TMEM98: variants seen among roughly 807,000 people sequenced by gnomAD.
TMEM98 encodes the protein transmembrane protein 98.
In TMEM98, 18 loss-of-function variants were observed where a neutral mutation model predicts 25.0. The observed-to-expected ratio is 0.72, with a 90% CI of 0.50 to 1.07. TMEM98 has a LOEUF of 1.07. Ranked by LOEUF, TMEM98 falls within the 50% of genes least tolerant of loss-of-function variation. The pLI is 0.00. For synonymous variants in TMEM98, 103 were observed against 112.4 expected, an observed-to-expected ratio of 0.92 and a Z score of 0.53; for missense variants, 241 against 289.0, an observed-to-expected ratio of 0.83 and a Z score of 1.20.
intron 6 of TMEM98, 35 bp downstream of exon 6, chr17:32,936,482 C>G: frequency 6.3e-7 from 1 of 1,581,776 alleles, no homozygotes; most frequent in Non-Finnish European, 8.7e-7. Flanking sequence ...CCCCACACTC[C>G]CTGAGGGAAG....
At position 32,934,487 on chromosome 17, in the gene TMEM98, G is replaced by T. The variant is rs557785922; in HGVS notation, c.297+163G>T. ...TGTGGTTTACTTCCCCCCCTGCCTG[G>T]ACTGGCTGTTCACAGAATCTCAAGG... On this transcript the variant is annotated intron_variant, in intron 5 of 7. Coordinates refer to ENST00000579849, the MANE Select transcript of TMEM98 (RefSeq NM_015544.3). 2.3e-4 allele frequency: 159 copies of T among 683,520 alleles called. 1 individual carries two copies. The highest frequency in any genetic ancestry group is 1.8e-3 in the Admixed American group (67 of 36,880). The allele number at this position is 683,520 out of a possible 1,614,324, so 42.3% of individuals were successfully genotyped here. A position where few individuals can be genotyped will look rare whatever the true frequency, so the allele number is the denominator to read the frequency against.
At chr17:32,937,715 T>C (rs2091504575) in intron 6 of TMEM98, among the ~76,000 whole-genome samples, 1 of 152,112 alleles carries the variant, frequency 6.6e-6, no homozygotes. Context: ...CTCAGCCCCC[T>C]GAGTAGCTGT....
chr17:32,933,767 G>A (rs2091481765), intron 4 of TMEM98, among the ~76,000 whole-genome samples: 1 of 152,208 alleles, frequency 6.6e-6, no homozygotes, highest in South Asian at 2.1e-4. Flanking sequence ...TGGGTCAGGT[G>A]CTGCAGATAT....
At chr17:32,928,410 C>CGCT (rs2091444409) in intron 1 of TMEM98, among the ~76,000 whole-genome samples, 173 bp downstream of exon 1, 1 of 147,654 alleles carries the variant, frequency 6.8e-6, no homozygotes. Context: ...CGCCCCGGAG[C>CGCT]GCTCCGGGGC....
At position 32,944,286 on chromosome 17, in the gene TMEM98, C is replaced by T. The variant is rs1180138136; in HGVS notation, c.*3293C>T. The T allele has an allele frequency of 6.6e-6, 1 of 152,288 alleles. No homozygotes were observed. Among genetic ancestry groups the T allele is most frequent in the Non-Finnish European group, 1.5e-5 (1 of 68,092 alleles). The allele number at this position is 152,288 out of a possible 1,614,324, so 9.4% of individuals were successfully genotyped here. A position where few individuals can be genotyped will look rare whatever the true frequency, so the allele number is the denominator to read the frequency against. On this transcript the variant is annotated 3_prime_UTR_variant, in exon 8 of 8. Coordinates refer to ENST00000579849, the MANE Select transcript of TMEM98 (RefSeq NM_015544.3). ...GAAGAATTTCTATCCTCCTCACCTC[C>T]TCCCTGTCTCCAATAAATGCATACC...
chr17:32,941,468 T>A lies in TMEM98; in HGVS notation c.*475T>A, dbSNP rs2091530899. On this transcript the variant is annotated 3_prime_UTR_variant, in exon 8 of 8. Coordinates refer to ENST00000579849, the MANE Select transcript of TMEM98 (RefSeq NM_015544.3). ...AAGACTTGTACTCTCTCACCTGGCC[T>A]GTTTCATTTATTTGTATTATCTGCC... 6.5e-6 allele frequency: 1 copy of A among 153,092 alleles called. No individual in the cohort carries two copies. Among genetic ancestry groups the A allele is most frequent in the Non-Finnish European group, 1.5e-5 (1 of 68,664 alleles). The allele number at this position is 153,092 out of a possible 1,614,324, so 9.5% of individuals were successfully genotyped here.
chr17:32,941,055 A>G lies in TMEM98; in HGVS notation c.*62A>G. Reference sequence around the variant, plus strand: ...CCGCCATCCCTGGATGGCTCAGCTTAGCCTTCTACTTTTTCCTATAGAGTT... The same window carrying G: ...CCGCCATCCCTGGATGGCTCAGCTTGGCCTTCTACTTTTTCCTATAGAGTT... On this transcript the variant is annotated 3_prime_UTR_variant, in exon 8 of 8. Coordinates refer to ENST00000579849, the MANE Select transcript of TMEM98 (RefSeq NM_015544.3). 7.1e-7 allele frequency: 1 copy of G among 1,408,408 alleles called. No homozygotes were observed. The highest frequency in any genetic ancestry group is 2.3e-5 in the Admixed American group (1 of 42,624). The allele number at this position is 1,408,408 out of a possible 1,614,324, so 87.2% of individuals were successfully genotyped here.
Position 32,938,525 on chromosome 17 carries a change from C to T in TMEM98, c.414-952C>T, listed in dbSNP as rs116079616. Among the ~76,000 whole-genome samples the T allele has an allele frequency of 2.8e-3, 423 of 152,234 alleles. 1 individual carries two copies. Among genetic ancestry groups the T allele is most frequent in the African/African-American group, 9.8e-3 (409 of 41,530 alleles). ...AGATTTGGAGCAAAACCTTGTGCCACGCAAATCAGAATGAATTGTAGTTCT... is the reference window on the plus strand; with the variant it reads ...AGATTTGGAGCAAAACCTTGTGCCATGCAAATCAGAATGAATTGTAGTTCT... On this transcript the variant is annotated intron_variant, in intron 6 of 7. Coordinates refer to ENST00000579849, the MANE Select transcript of TMEM98 (RefSeq NM_015544.3).
At chr17:32,937,046 A>T (rs1479005404) in intron 6 of TMEM98, among the ~76,000 whole-genome samples, 1 of 152,258 alleles carries the variant, frequency 6.6e-6, no homozygotes, top group East Asian at 1.9e-4. Flanking sequence ...TGGGCTTGAT[A>T]TCGTGAGGAA....
rs1415405500 is a variant in TMEM98, at chr17:32,931,364, C to G, written c.-93C>G. The G allele has an allele frequency of 1.2e-6, 1 of 863,596 alleles. No homozygotes were observed. The highest frequency in any genetic ancestry group is 1.7e-6 in the Non-Finnish European group (1 of 579,404). 53.5% of individuals were successfully genotyped at this position (863,596 alleles called of 1,614,324 possible). On this transcript the variant is annotated 5_prime_UTR_variant, in exon 2 of 8. Transcript: ENST00000579849. ...CTGCAGGTGTCGTGGAGGAACCTAG[C>G]ACCTGCCATCCTCTTCCCCAATTTG...
Position 32,931,387 on chromosome 17 carries a change from T to C in TMEM98, c.-70T>C. The C allele has an allele frequency of 8.6e-7, 1 of 1,162,808 alleles. No individual in the cohort carries two copies. The highest frequency in any genetic ancestry group is 2.7e-5 in the East Asian group (1 of 37,726). 72.0% of individuals were successfully genotyped at this position (1,162,808 alleles called of 1,614,324 possible). A position where few individuals can be genotyped will look rare whatever the true frequency, so the allele number is the denominator to read the frequency against. On this transcript the variant is annotated 5_prime_UTR_variant, in exon 2 of 8. Transcript: ENST00000579849. ...AGCACCTGCCATCCTCTTCCCCAAT[T>C]TGCCACTTCCAGCAGGTAAGACCCA... is the stretch of plus-strand genomic sequence containing the variant.
chr17:32,936,222 G>A (rs185001342), intron 5 of TMEM98, 110 bp from the exon 6 acceptor site: 71,301 of 772,278 alleles, frequency 0.092, 3,634 homozygotes, highest in African/African-American at 0.14. Context: ...CCATTAGGTT[G>A]GGGGCCAGCT....
chr17:32,930,188 A>G (rs946793563), intron 1 of TMEM98, among the ~76,000 whole-genome samples: 3 of 152,112 alleles, frequency 2.0e-5, no homozygotes, highest in Non-Finnish European at 4.4e-5. Flanking sequence ...GCTTGCACAA[A>G]GAGAGACAAG....
chr17:32,936,482 C>T, intron 6 of TMEM98, 35 bp downstream of exon 6: 1 of 1,581,776 alleles, frequency 6.3e-7, no homozygotes, highest in Admixed American at 1.7e-5. Context: ...CCCCACACTC[C>T]CTGAGGGAAG....
chr17:32,941,083 T>G lies in TMEM98; in HGVS notation c.*90T>G. The G allele has an allele frequency of 3.5e-6, 4 of 1,155,614 alleles. No homozygotes were observed. Among genetic ancestry groups the G allele is most frequent in the Non-Finnish European group, 4.8e-6 (4 of 828,100 alleles). The allele number at this position is 1,155,614 out of a possible 1,614,324, so 71.6% of individuals were successfully genotyped here. ...CTTCTACTTTTTCCTATAGAGTTAG[T>G]TGTTCTCCACGGCTGGAGAGTTCAG... On this transcript the variant is annotated 3_prime_UTR_variant, in exon 8 of 8. Coordinates refer to ENST00000579849, the MANE Select transcript of TMEM98 (RefSeq NM_015544.3).
In TMEM98 at chr17:32,940,896, A is replaced by G. The variant is rs376476956; in HGVS notation, c.584A>G (p.Glu195Gly). 3.7e-5 allele frequency: 59 copies of G among 1,613,972 alleles called. No homozygotes were observed. The African/African-American group carries it at 6.5e-4, about 18-fold the overall frequency. The change falls in exon 8 of 8, where the codon GAG (glutamate) becomes GGG (glycine). Residue 195 changes from glutamate (E) to glycine (G), a missense_variant. Physicochemically the swap from Glu to Gly is moderately conservative, Grantham distance 98. Transcript: ENST00000579849. The part of the protein sequence containing the change: ...WIDQSLSAAE[E>G]HLEVLREAAL... ...GACCAGTCTCTGTCGGCTGCTGAGGAGCATTTGGAAGTCCTTCGAGAAGCA... is the reference window on the plus strand; with the variant it reads ...GACCAGTCTCTGTCGGCTGCTGAGGGGCATTTGGAAGTCCTTCGAGAAGCA...
intron 6 of TMEM98, among the ~76,000 whole-genome samples, chr17:32,938,390 C>T (rs1053501296): frequency 2.6e-5 from 4 of 152,146 alleles, no homozygotes; most frequent in African/African-American, 4.8e-5. Context: ...ATGTCCTCAC[C>T]GGCTCCACAG....
chr17:32,931,426 C>A (rs560324750), intron 2 of TMEM98, 24 bp downstream of exon 2: 2 of 1,483,008 alleles, frequency 1.3e-6, no homozygotes, highest in East Asian at 2.5e-5. Flanking sequence ...GTCCCACTCT[C>A]TTTCGTGGCT....
At position 32,931,631 on chromosome 17, in the gene TMEM98, C is replaced by A. The variant is rs548624041; in HGVS notation, c.103C>A (p.Arg35=). ...LVCRQRYCRP[R]DLLQRYDSKP... ...TTGCAGGCAGCGCTACTGCCGGCCG[C>A]GAGACCTGCTGCAGCGCTATGATTC... is the stretch of plus-strand genomic sequence containing the variant. The change falls in exon 3 of 8, where the codon CGA becomes AGA. Residue 35 remains arginine, a synonymous_variant. Coordinates refer to ENST00000579849, the MANE Select transcript of TMEM98 (RefSeq NM_015544.3). The A allele has an allele frequency of 6.2e-7, 1 of 1,605,378 alleles. No individual in the cohort carries two copies. The highest frequency in any genetic ancestry group is 1.7e-5 in the Admixed American group (1 of 58,562).
Sources: allele counts gnomAD v4.1 joint callset (sites outside exome capture counted in the v4.1 genomes callset), GRCh38; gene constraint gnomAD v4.1.1; transcripts MANE v1.5; gene names NCBI Gene and HGNC (gene_info 2026-07-23, HGNC 2026-07-21).